The following PIP5K1B variants were observed in gnomAD, a reference collection of about 807,000 sequenced individuals.
PIP5K1B encodes phosphatidylinositol 4-phosphate 5-kinase type-1 beta.
A neutral mutation model predicts 67.0 loss-of-function variants in PIP5K1B; 42 were observed. That is an observed-to-expected ratio of 0.63 (90% CI 0.49 to 0.81). The LOEUF (loss-of-function observed/expected upper bound fraction) is 0.81, where lower values mean the gene tolerates loss of function less well. Ranked by LOEUF, PIP5K1B falls within the 30% of genes least tolerant of loss-of-function variation. The pLI, the probability that PIP5K1B is intolerant of heterozygous loss-of-function variation, is 0.00. For missense variants in PIP5K1B, 459 were observed against 646.3 expected, an observed-to-expected ratio of 0.71 and a Z score of 3.14; for synonymous variants, 214 against 231.4, an observed-to-expected ratio of 0.92 and a Z score of 0.68.
intron 4 of PIP5K1B, among the ~76,000 whole-genome samples, chr9:68,838,258 A>G (rs1266920636): frequency 6.6e-6 from 1 of 151,538 alleles, no homozygotes; most frequent in Non-Finnish European, 1.5e-5. Context: ...GTAAATTATC[A>G]TTTTTCTCCT....
chr9:68,724,653 GT>G (rs1188787546), intron 1 of PIP5K1B, among the ~76,000 whole-genome samples: 1 of 151,810 alleles, frequency 6.6e-6, no homozygotes, highest in Non-Finnish European at 1.5e-5. Flanking sequence ...CACTTATTTG[GT>G]TGAGTTTATT....
At chr9:68,978,682 A>T (rs1829747056) in intron 14 of PIP5K1B, among the ~76,000 whole-genome samples, 1 of 152,038 alleles carries the variant, frequency 6.6e-6, no homozygotes, top group Admixed American at 6.5e-5. Context: ...AGAAAAGCAG[A>T]TACTGTTTAT....
chr9:68,780,830 C>G (rs148212052), intron 2 of PIP5K1B: 3 of 1,614,212 alleles, frequency 1.9e-6, no homozygotes, highest in Non-Finnish European at 2.5e-6. Context: ...AGGGCATCAC[C>G]AACATGCTTT....
intron 4 of PIP5K1B, among the ~76,000 whole-genome samples, chr9:68,845,186 C>T (rs1340237521): frequency 2.0e-5 from 3 of 152,204 alleles, no homozygotes; most frequent in Non-Finnish European, 4.4e-5. Flanking sequence ...TCACAGCCCC[C>T]TGGTGGCAGA....
intron 4 of PIP5K1B, among the ~76,000 whole-genome samples, chr9:68,830,527 GT>G (rs1448996849): frequency 6.6e-6 from 1 of 152,194 alleles, no homozygotes; most frequent in Non-Finnish European, 1.5e-5. Context: ...GCCTCCATAT[GT>G]TAAGTTACCC....
At position 68,742,624 on chromosome 9, in the gene PIP5K1B, A is replaced by G. The variant is rs186005445; in HGVS notation, c.-119A>G. ...TGAGGGCCTTTTCTCTTCCTGCTTC[A>G]TCTCTAAAGGTCCTTCTAGGAGAGA... On this transcript the variant is annotated 5_prime_UTR_variant, in exon 2 of 16. Transcript: ENST00000265382. 6.6e-6 allele frequency: 1 copy of G among 152,346 alleles called. No homozygotes were observed. Among genetic ancestry groups the G allele is most frequent in the African/African-American group, 2.4e-5 (1 of 41,568 alleles). 9.4% of individuals were successfully genotyped at this position (152,346 alleles called of 1,614,324 possible).
rs147128455 is a variant in PIP5K1B at position 68,748,579 on chromosome 9, G to A, written c.-86+5922G>A. Among the ~76,000 whole-genome samples the A allele has an allele frequency of 3.6e-3, 542 of 151,124 alleles. 1 individual carries two copies. The highest frequency in any genetic ancestry group is 0.011 in the African/African-American group (467 of 41,072). On this transcript the variant is annotated intron_variant, in intron 2 of 15. Transcript: ENST00000265382. ...TGGATTTGTAGTTTTCTTGCAGTAG[G>A]CACCACTCGGCGGCTGAGTTTCAGA...
At chr9:68,938,156 TAA>T (rs1827366689) in intron 13 of PIP5K1B, among the ~76,000 whole-genome samples, 1 of 152,320 alleles carries the variant, frequency 6.6e-6, no homozygotes, top group African/African-American at 2.4e-5. Context: ...ATATCCTTGT[TAA>T]TTTTCTGTCT....
At chr9:68,943,773 G>A (rs1455445397) in intron 14 of PIP5K1B, among the ~76,000 whole-genome samples, 3 of 152,082 alleles carry the variant, frequency 2.0e-5, no homozygotes, top group East Asian at 3.8e-4. Context: ...TCTGTTTTCC[G>A]ATTTTGACAT....
At chr9:68,707,972 A>G (rs954532493) in intron 1 of PIP5K1B, 5 of 152,162 alleles carry the variant, frequency 3.3e-5, no homozygotes, top group African/African-American at 4.8e-5. Flanking sequence ...TTGTAATCCA[A>G]TGTTATCATT....
In PIP5K1B at chr9:68,860,595, A is replaced by T. The variant is rs192290084; in HGVS notation, c.70-3242A>T. On this transcript the variant is annotated intron_variant, in intron 4 of 15. Coordinates refer to ENST00000265382, the MANE Select transcript of PIP5K1B (RefSeq NM_003558.4). ...ATTCATACTTAAAAGAGAACTTCCG[A>T]CTTTGATTCTAGGCTCATTTTGCAA... Among the ~76,000 whole-genome samples, 351 of 152,312 alleles carry T rather than the reference A, an allele frequency of 2.3e-3. 1 individual carries two copies. The highest frequency in any genetic ancestry group is 4.1e-3 in the Non-Finnish European group (280 of 68,026).
intron 2 of PIP5K1B, chr9:68,780,687 A>G (rs759491213): frequency 1.2e-5 from 20 of 1,614,108 alleles, no homozygotes; most frequent in East Asian, 6.7e-5. Flanking sequence ...TCCAAGCCCT[A>G]TTCCCAGCCC....
At chr9:68,933,638 G>A (rs4745400) in intron 12 of PIP5K1B, among the ~76,000 whole-genome samples, 145,082 of 152,174 alleles carry the variant, frequency 0.95, 69,565 homozygotes, top group East Asian at 1. Flanking sequence ...CAGTTTCTGG[G>A]CCTAAAAAAG....
chr9:68,848,891 A>C (rs1822334993), intron 4 of PIP5K1B, among the ~76,000 whole-genome samples: 1 of 152,236 alleles, frequency 6.6e-6, no homozygotes, highest in Non-Finnish European at 1.5e-5. Context: ...CAAAAAGAGA[A>C]TCTGTCTCAC....
At chr9:68,994,937 A>G (rs1830538811) in intron 15 of PIP5K1B, among the ~76,000 whole-genome samples, 1 of 151,956 alleles carries the variant, frequency 6.6e-6, no homozygotes. Flanking sequence ...GGAGTTCGAG[A>G]CCAGCCAAGG....
Position 68,714,078 on chromosome 9 carries a change from AAG to A in PIP5K1B, c.-243+8319_-243+8320del, listed in dbSNP as rs545180330. On this transcript the variant is annotated intron_variant, in intron 1 of 15. Transcript: ENST00000265382. ...GCACCTCAAAGTACAGTTTTGAAAT[AAG>A]AGTTTTAAAAAGGAGAACATAAGCG... Among the ~76,000 whole-genome samples, 24 of 152,370 alleles carry A rather than the reference AAG, an allele frequency of 1.6e-4. No homozygotes were observed. In the South Asian group the frequency reaches 2.9e-3, roughly 18 times the overall value.
At chr9:68,752,311 A>C (rs1829672629) in intron 2 of PIP5K1B, among the ~76,000 whole-genome samples, 1 of 152,222 alleles carries the variant, frequency 6.6e-6, no homozygotes, top group Non-Finnish European at 1.5e-5. Context: ...AGACAGTGTT[A>C]GAGATCTTCA....
At position 68,820,933 on chromosome 9, in the gene PIP5K1B, G is replaced by C. The variant is rs374074975; in HGVS notation, c.1-1682G>C. On this transcript the variant is annotated intron_variant, in intron 3 of 15. Coordinates refer to ENST00000265382, the MANE Select transcript of PIP5K1B (RefSeq NM_003558.4). ...ATTCACAAAGATACGCAATAGTTTT[G>C]AGTGTGTAAAAATGTAAACTTCTCT... Among the ~76,000 whole-genome samples the C allele has an allele frequency of 7.2e-5, 11 of 152,156 alleles. No individual in the cohort carries two copies. In the East Asian group the frequency reaches 1.3e-3, roughly 19 times the overall value.
chr9:68,793,512 G>T (rs528375988), intron 2 of PIP5K1B, among the ~76,000 whole-genome samples: 118 of 152,310 alleles, frequency 7.7e-4, no homozygotes, highest in African/African-American at 2.6e-3. Flanking sequence ...AGAACCAACA[G>T]ATTTTGCTGG....
Sources: gnomAD v4.1 joint callset for allele counts (sites outside exome capture counted in the v4.1 genomes callset) on GRCh38, gnomAD v4.1.1 for gene constraint, MANE v1.5 for transcripts, NCBI Gene and HGNC (gene_info 2026-07-23, HGNC 2026-07-21) for gene names.